The following PXDNL variants were observed in gnomAD, a reference collection of about 807,000 sequenced individuals.
PXDNL encodes peroxidasin like, also known as probable oxidoreductase PXDNL.
A neutral mutation model predicts 150.8 loss-of-function variants in PXDNL; 145 were observed. The observed-to-expected ratio is 0.96, with a 90% CI of 0.84 to 1.10. The LOEUF (loss-of-function observed/expected upper bound fraction) is 1.10, where lower values mean the gene tolerates loss of function less well. Ranked by LOEUF, PXDNL falls within the 50% of genes least tolerant of loss-of-function variation. PXDNL has a pLI of 0.00. For missense variants in PXDNL, 2,087 were observed against 1,873.9 expected (o/e 1.11, Z -2.10); for synonymous variants, 757 against 725.7 (o/e 1.04, Z -0.69).
chr8:51,634,436 T>A (rs1242900207), intron 2 of PXDNL, among the ~76,000 whole-genome samples: 5 of 152,200 alleles, frequency 3.3e-5, no homozygotes, highest in African/African-American at 9.6e-5. Context: ...TTTGCTCTTT[T>A]TGCTTAAGAC....
intron 17 of PXDNL, among the ~76,000 whole-genome samples, chr8:51,402,491 C>T (rs1476428610): frequency 3.3e-5 from 5 of 151,986 alleles, no homozygotes; most frequent in Admixed American, 2.6e-4. Context: ...TGCACTCCAG[C>T]GTGGGTGACA....
intron 4 of PXDNL, among the ~76,000 whole-genome samples, chr8:51,500,980 A>T (rs1811165109): frequency 6.6e-6 from 1 of 152,230 alleles, no homozygotes; most frequent in African/African-American, 2.4e-5. Flanking sequence ...TTATAGTAAG[A>T]GTACTTCAGA....
chr8:51,540,780 G>A (rs573293339), intron 4 of PXDNL, among the ~76,000 whole-genome samples: 1 of 151,944 alleles, frequency 6.6e-6, no homozygotes, highest in African/African-American at 2.4e-5. Context: ...CTGTTTACTT[G>A]TTCTATCAGT....
chr8:51,413,225 A>G lies in PXDNL; in HGVS notation c.1829T>C (p.Val610Ala). The G allele has an allele frequency of 6.2e-7, 1 of 1,612,504 alleles. No individual in the cohort carries two copies. The highest frequency in any genetic ancestry group is 8.5e-7 in the Non-Finnish European group (1 of 1,178,758). ...TACAGCATCAAGAATGGAAGATTCA[A>G]CAAAGTCATCGCCAGCTTGTCTACC... ...IQGRQAGDDF[V>A]ESSILDAVQR... Residue 610 changes from valine to alanine, a missense_variant, in exon 15 of 23, where the codon GTT becomes GCT. Transcript: ENST00000356297.
intron 4 of PXDNL, among the ~76,000 whole-genome samples, chr8:51,506,631 A>C (rs1276037071): frequency 2.0e-5 from 3 of 152,004 alleles, no homozygotes; most frequent in Non-Finnish European, 4.4e-5. Context: ...AGAGTTATGA[A>C]AAATCTTTCT....
chr8:51,479,843 C>T (rs1810562158), intron 6 of PXDNL, among the ~76,000 whole-genome samples: 1 of 152,138 alleles, frequency 6.6e-6, no homozygotes, highest in South Asian at 2.1e-4. Flanking sequence ...CAAATCTGTA[C>T]TTGTACCCCT....
intron 3 of PXDNL, among the ~76,000 whole-genome samples, chr8:51,557,636 T>A (rs1437182528): frequency 1.3e-5 from 2 of 152,154 alleles, no homozygotes; most frequent in Non-Finnish European, 2.9e-5. Flanking sequence ...TCAAGTGTCT[T>A]CGGAATGTGC....
At chr8:51,364,617 C>T (rs547613336) in intron 19 of PXDNL, among the ~76,000 whole-genome samples, 1 of 152,228 alleles carries the variant, frequency 6.6e-6, no homozygotes, top group African/African-American at 2.4e-5. Flanking sequence ...ACATAGACAA[C>T]TTTATGCTTT....
chr8:51,582,083 T>C (rs1188716835), intron 3 of PXDNL, among the ~76,000 whole-genome samples: 7 of 152,156 alleles, frequency 4.6e-5, no homozygotes, highest in Admixed American at 4.6e-4. Flanking sequence ...AGCTATGGAC[T>C]GAATTGCATC....
At chr8:51,522,287 A>G (rs1297779886) in intron 4 of PXDNL, among the ~76,000 whole-genome samples, 1 of 152,166 alleles carries the variant, frequency 6.6e-6, no homozygotes, top group Non-Finnish European at 1.5e-5. Context: ...ATCTGTAAAA[A>G]GGTATTTGTA....
chr8:51,423,831 A>G, intron 13 of PXDNL, 100 bp from the exon 14 acceptor site: 1 of 1,098,144 alleles, frequency 9.1e-7, no homozygotes, highest in Non-Finnish European at 1.3e-6. Flanking sequence ...ACAGATATCT[A>G]TTGCACGTTT....
At chr8:51,367,016 G>C (rs1246598620) in intron 19 of PXDNL, among the ~76,000 whole-genome samples, 5 of 141,262 alleles carry the variant, frequency 3.5e-5, no homozygotes, top group African/African-American at 5.3e-5. Context: ...CAGGGGAATC[G>C]CTTAAACCTG....
chr8:51,630,583 C>A (rs1052328446), intron 2 of PXDNL, among the ~76,000 whole-genome samples: 8 of 151,940 alleles, frequency 5.3e-5, no homozygotes, highest in African/African-American at 1.4e-4. Context: ...GTAAAGAAAT[C>A]ACCAAGCAAA....
chr8:51,651,295 C>G (rs890282118), intron 2 of PXDNL, among the ~76,000 whole-genome samples: 1 of 152,064 alleles, frequency 6.6e-6, no homozygotes, highest in South Asian at 2.1e-4. Flanking sequence ...TGTGGGGAGA[C>G]AGAGAAACGT....
At chr8:51,612,604 G>A (rs544675384) in intron 2 of PXDNL, among the ~76,000 whole-genome samples, 3 of 152,092 alleles carry the variant, frequency 2.0e-5, no homozygotes, top group Non-Finnish European at 4.4e-5. Context: ...AGGTGATCAG[G>A]TCATGAGGGA....
chr8:51,470,575 G>A (rs1356243431), intron 8 of PXDNL, among the ~76,000 whole-genome samples: 1 of 151,930 alleles, frequency 6.6e-6, no homozygotes, highest in African/African-American at 2.4e-5. Flanking sequence ...AATTGTATTA[G>A]GTATATAGTG....
chr8:51,363,654 C>T (rs151218441), intron 19 of PXDNL, among the ~76,000 whole-genome samples: 16 of 152,246 alleles, frequency 1.1e-4, no homozygotes, highest in African/African-American at 3.1e-4. Context: ...AGGCCCAGGG[C>T]GTGGTGCTGC....
intron 2 of PXDNL, among the ~76,000 whole-genome samples, chr8:51,608,457 G>C (rs115744023): frequency 6.8e-6 from 1 of 148,136 alleles, no homozygotes; most frequent in Non-Finnish European, 1.5e-5. Context: ...GATGTCATCA[G>C]GCTCATCTCA....
At chr8:51,547,322 T>C (rs1585569390) in intron 4 of PXDNL, among the ~76,000 whole-genome samples, 3 of 152,248 alleles carry the variant, frequency 2.0e-5, no homozygotes, top group Admixed American at 2.0e-4. Flanking sequence ...TGCAACACCC[T>C]GGCTAACCAC....
Sources: gnomAD v4.1 joint callset for allele counts (sites outside exome capture counted in the v4.1 genomes callset) on GRCh38, gnomAD v4.1.1 for gene constraint, MANE v1.5 for transcripts, NCBI Gene and HGNC (gene_info 2026-07-23, HGNC 2026-07-21) for gene names.